CSMD1: variants seen among roughly 807,000 people sequenced by gnomAD.
The protein encoded by CSMD1 is CUB and Sushi multiple domains 1.
A neutral mutation model predicts 417.5 loss-of-function variants in CSMD1; 213 were observed. That is an observed-to-expected ratio of 0.51 (90% confidence interval 0.46 to 0.57). CSMD1 has a LOEUF of 0.57. Ranked by LOEUF, CSMD1 falls within the 20% of genes least tolerant of loss-of-function variation. The pLI, the probability that CSMD1 is intolerant of heterozygous loss-of-function variation, is 0.00. For missense variants in CSMD1, 6,923 were observed against 4,529.7 expected (o/e 1.53, Z -15.17); for synonymous variants, 2,862 against 1,736.8 (o/e 1.65, Z -16.11).
intron 1 of CSMD1, among the ~76,000 whole-genome samples, chr8:4,724,837 T>C (rs894439423): frequency 3.3e-5 from 5 of 152,066 alleles, no homozygotes; most frequent in Non-Finnish European, 2.9e-5. Flanking sequence ...AGCCTGTATG[T>C]TTAAATTTGA....
intron 3 of CSMD1, among the ~76,000 whole-genome samples, chr8:4,200,060 A>G (rs1741742636): frequency 1.3e-5 from 2 of 152,234 alleles, no homozygotes; most frequent in Admixed American, 1.3e-4. Flanking sequence ...GATTAGCTCT[A>G]TCAACAAATC....
intron 3 of CSMD1, among the ~76,000 whole-genome samples, chr8:4,177,819 A>C (rs1798136118): frequency 6.6e-6 from 1 of 151,736 alleles, no homozygotes; most frequent in African/African-American, 2.4e-5. Flanking sequence ...CAAATAAACT[A>C]GAAAATCTAT....
intron 3 of CSMD1, among the ~76,000 whole-genome samples, chr8:4,375,338 T>C (rs1802664385): frequency 6.6e-6 from 1 of 151,968 alleles, no homozygotes; most frequent in Admixed American, 6.6e-5. Flanking sequence ...GTCAGGAGGG[T>C]GATCATCCTA....
chr8:3,943,180 G>A (rs1810998823), intron 5 of CSMD1, among the ~76,000 whole-genome samples: 1 of 152,006 alleles, frequency 6.6e-6, no homozygotes, highest in African/African-American at 2.4e-5. Flanking sequence ...TGACTCAATT[G>A]AGGATGTTTC....
At chr8:4,188,834 T>C (rs1040662102) in intron 3 of CSMD1, among the ~76,000 whole-genome samples, 2 of 146,518 alleles carry the variant, frequency 1.4e-5, no homozygotes, top group Non-Finnish European at 3.0e-5. Context: ...GGGAGGGATA[T>C]TAAAAAAAAA....
intron 2 of CSMD1, among the ~76,000 whole-genome samples, chr8:4,609,850 G>C (rs1410967931): frequency 5.9e-5 from 9 of 152,172 alleles, no homozygotes; most frequent in Admixed American, 5.2e-4. Flanking sequence ...CTTTCTGATA[G>C]CTCTGGTAAA....
chr8:3,812,941 A>G (rs968414842), intron 5 of CSMD1, among the ~76,000 whole-genome samples: 3 of 152,172 alleles, frequency 2.0e-5, no homozygotes, highest in African/African-American at 4.8e-5. Flanking sequence ...AACGTCAGGT[A>G]TCTATCATGG....
chr8:3,534,798 T>G (rs988860407), intron 10 of CSMD1, among the ~76,000 whole-genome samples: 9 of 152,344 alleles, frequency 5.9e-5, no homozygotes, highest in Admixed American at 2.0e-4. Flanking sequence ...GTTACAAATT[T>G]CTCACACAAC....
At chr8:3,864,056 G>A (rs149194094) in intron 5 of CSMD1, among the ~76,000 whole-genome samples, 6 of 152,108 alleles carry the variant, frequency 3.9e-5, no homozygotes, top group African/African-American at 1.4e-4. Flanking sequence ...TGAATGTGAA[G>A]ATGGCCCAGA....
chr8:3,562,742 AAAT>A (rs148695250), intron 10 of CSMD1, among the ~76,000 whole-genome samples: 9,281 of 152,080 alleles, frequency 0.061, 454 homozygotes, highest in Admixed American at 0.16. Context: ...GATTGGTTAA[AAAT>A]AATAATAATA....
At chr8:4,288,892 T>G (rs1030055427) in intron 3 of CSMD1, among the ~76,000 whole-genome samples, 6 of 152,180 alleles carry the variant, frequency 3.9e-5, no homozygotes, top group African/African-American at 1.4e-4. Context: ...ATTAGTTACT[T>G]AACAACTACT....
intron 5 of CSMD1, among the ~76,000 whole-genome samples, chr8:3,917,149 C>T (rs527459995): frequency 4.7e-4 from 71 of 152,268 alleles, no homozygotes; most frequent in African/African-American, 1.6e-3. Context: ...TGCTTACCTG[C>T]TGCACAGAGG....
Position 4,927,753 on chromosome 8 carries a change from T to A in CSMD1, c.85+66579A>T, listed in dbSNP as rs115671637. ...GTTAACATAAATAGGACTTGGCAAA[T>A]GCATTTGTCCATTTGCTCAGACTGA... On this transcript the variant is annotated intron_variant, in intron 1 of 69. Transcript: ENST00000635120. Among the ~76,000 whole-genome samples, 530 of 152,250 alleles carry A rather than the reference T, an allele frequency of 3.5e-3. 4 individuals carry two copies. The highest frequency in any genetic ancestry group is 0.012 in the African/African-American group (498 of 41,518).
intron 3 of CSMD1, among the ~76,000 whole-genome samples, chr8:4,127,367 C>G (rs916438802): frequency 6.7e-6 from 1 of 149,914 alleles, no homozygotes; most frequent in Admixed American, 6.7e-5. Context: ...TATCCTTCAG[C>G]TTCAGCCACC....
chr8:3,063,840 G>A lies in CSMD1; in HGVS notation c.7475-11193C>T, dbSNP rs546746533. Reference sequence around the variant, plus strand: ...GCTGGAGGAGGAGGAATGGGAACTTGTTTAATATGTGCAGAGTTTCAGTTT... The same window carrying A: ...GCTGGAGGAGGAGGAATGGGAACTTATTTAATATGTGCAGAGTTTCAGTTT... On this transcript the variant is annotated intron_variant, in intron 49 of 69. Transcript: ENST00000635120. Among the ~76,000 whole-genome samples the A allele has an allele frequency of 3.9e-5, 6 of 152,302 alleles. No homozygotes were observed. The South Asian group carries it at 1.2e-3, about 32-fold the overall frequency.
At chr8:4,843,833 G>A (rs772190269) in intron 1 of CSMD1, among the ~76,000 whole-genome samples, 1 of 152,200 alleles carries the variant, frequency 6.6e-6, no homozygotes, top group African/African-American at 2.4e-5. Context: ...AAGCACAGGA[G>A]AGCTGAACCC....
At chr8:4,441,705 C>T (rs1456946623) in intron 2 of CSMD1, among the ~76,000 whole-genome samples, 4 of 151,940 alleles carry the variant, frequency 2.6e-5, no homozygotes, top group African/African-American at 9.7e-5. Context: ...CCAATTAAAA[C>T]GTTTGAGGTA....
chr8:4,582,864 A>G (rs1462731813), intron 2 of CSMD1, among the ~76,000 whole-genome samples: 2 of 152,184 alleles, frequency 1.3e-5, no homozygotes, highest in East Asian at 1.9e-4. Flanking sequence ...TGTGCGAGGC[A>G]CTTGCGGGCC....
chr8:3,091,618 G>A lies in CSMD1; in HGVS notation c.7183C>T (p.His2395Tyr), dbSNP rs1814954921. ...SPLLVVLSGN[H>Y]TEQSNFTSRS... is the part of the protein sequence containing the mutation. ...CTTGTAAAATTTGATTGTTCAGTAT[G>A]ATTCCCACTTAAGACTACTAGCAGA... The change falls in exon 48 of 70, where the codon CAT becomes TAT. Residue 2395 changes from histidine to tyrosine, a missense_variant. Coordinates refer to ENST00000635120, the MANE Select transcript of CSMD1 (RefSeq NM_033225.6). The A allele has an allele frequency of 6.8e-6, 11 of 1,611,742 alleles. No homozygotes were observed. Among genetic ancestry groups the A allele is most frequent in the Non-Finnish European group, 9.3e-6 (11 of 1,179,466 alleles).
Sources: allele counts gnomAD v4.1 joint callset (sites outside exome capture counted in the v4.1 genomes callset), GRCh38; gene constraint gnomAD v4.1.1; transcripts MANE v1.5; gene names NCBI Gene and HGNC (gene_info 2026-07-23, HGNC 2026-07-21).